Variants in CABLES1 observed in about 807,000 individuals in gnomAD.
CABLES1 encodes the protein CDK5 and ABL1 enzyme substrate 1.
Under a neutral mutation model 57.8 loss-of-function variants are expected in CABLES1, and 36 were observed. That is an observed-to-expected ratio of 0.62 (90% CI 0.48 to 0.82). The LOEUF (loss-of-function observed/expected upper bound fraction) is 0.82. Among genes scored for constraint, CABLES1 ranks in the 40% least tolerant of loss-of-function variants. The probability of loss-of-function intolerance (pLI) is 0.00; values close to 1 mark genes in which losing one functional copy is unlikely to be tolerated. For missense variants in CABLES1, 767 were observed against 836.6 expected (o/e 0.92, Z 1.03); for synonymous variants, 374 against 363.0 (o/e 1.03, Z -0.35).
chr18:23,213,865 G>A (rs550034162), intron 3 of CABLES1, 112 bp from the exon 4 acceptor site: 24 of 670,828 alleles, frequency 3.6e-5, no homozygotes, highest in African/African-American at 1.1e-4. Flanking sequence ...TGGTGGGAGC[G>A]TGCAAATACT....
intron 4 of CABLES1, among the ~76,000 whole-genome samples, chr18:23,231,344 A>C (rs2145077703): frequency 6.6e-6 from 1 of 152,364 alleles, no homozygotes; most frequent in East Asian, 1.9e-4. Flanking sequence ...TCAAGCACTT[A>C]GTTGCCACAC....
At chr18:23,244,968 G>A (rs1161318807) in intron 7 of CABLES1, among the ~76,000 whole-genome samples, 2 of 152,202 alleles carry the variant, frequency 1.3e-5, no homozygotes, top group Non-Finnish European at 2.9e-5. Flanking sequence ...GCCCTAGAGC[G>A]GAAGTACCTT....
chr18:23,138,321 A>G (rs1191634073), intron 1 of CABLES1, among the ~76,000 whole-genome samples: 2 of 152,142 alleles, frequency 1.3e-5, no homozygotes, highest in Non-Finnish European at 2.9e-5. Flanking sequence ...AATCCTATAA[A>G]TATGAATCTT....
Position 23,237,761 on chromosome 18 carries a change from T to G in CABLES1, c.1446+516T>G, listed in dbSNP as rs185228827. Among the ~76,000 whole-genome samples the G allele has an allele frequency of 1.5e-4, 23 of 152,350 alleles. No individual in the cohort carries two copies. The East Asian group carries it at 4.4e-3, about 29-fold the overall frequency. ...GTTTTTATTTCATGGACTCTTCCTGTTTTTCCCTGTGTGTAATTTTGGTTT... is the reference window on the plus strand; with the variant it reads ...GTTTTTATTTCATGGACTCTTCCTGGTTTTCCCTGTGTGTAATTTTGGTTT... On this transcript the variant is annotated intron_variant, in intron 7 of 9. Transcript: ENST00000256925.
intron 1 of CABLES1, among the ~76,000 whole-genome samples, chr18:23,168,768 C>T (rs191194516): frequency 1.3e-5 from 2 of 152,318 alleles, no homozygotes; most frequent in Admixed American, 1.3e-4. Flanking sequence ...CTCCTCGCTC[C>T]ATGTCCCTGC....
intron 1 of CABLES1, among the ~76,000 whole-genome samples, chr18:23,166,203 A>AT (rs111877597): frequency 0.034 from 4,960 of 144,464 alleles, 221 homozygotes; most frequent in African/African-American, 0.1. Flanking sequence ...TATGAATGCA[A>AT]TTTTTTTTTT....
At chr18:23,140,497 C>G (rs190271791) in intron 1 of CABLES1, among the ~76,000 whole-genome samples, 2 of 149,712 alleles carry the variant, frequency 1.3e-5, no homozygotes, top group Non-Finnish European at 3.0e-5. Context: ...AGTGCAGTGG[C>G]GCCATCGCGG....
At chr18:23,175,573 G>A (rs2047117656) in intron 1 of CABLES1, among the ~76,000 whole-genome samples, 1 of 152,056 alleles carries the variant, frequency 6.6e-6, no homozygotes, top group African/African-American at 2.4e-5. Context: ...CTACCTCCTG[G>A]GATCAAGTGA....
At position 23,212,705 on chromosome 18, in the gene CABLES1, C is replaced by G. The variant is rs147101056; in HGVS notation, c.1011-1272C>G. On this transcript the variant is annotated intron_variant, in intron 3 of 9. Coordinates refer to ENST00000256925, the MANE Select transcript of CABLES1 (RefSeq NM_001100619.3). ...CTAGTAAAGGAGGGAGGCAAATGAT[C>G]AGCAGTGTGGATCACATCCGTGCCC... is the stretch of plus-strand genomic sequence containing the variant. 1.6e-3 allele frequency among the ~76,000 whole-genome samples: 247 copies of G among 152,270 alleles called. 1 individual carries two copies. The highest frequency in any genetic ancestry group is 2.4e-3 in the Admixed American group (37 of 15,304).
chr18:23,155,824 A>G, intron 1 of CABLES1: 1 of 1,607,500 alleles, frequency 6.2e-7, no homozygotes, highest in Admixed American at 1.7e-5. Flanking sequence ...CTTAGCCTCC[A>G]GGCCATTTTT....
At chr18:23,195,762 T>C (rs2047278001) in intron 3 of CABLES1, among the ~76,000 whole-genome samples, 1 of 152,236 alleles carries the variant, frequency 6.6e-6, no homozygotes, top group African/African-American at 2.4e-5. Context: ...TTTCTCTCTC[T>C]CACCCTTTTT....
chr18:23,158,526 T>C (rs1026110309), intron 1 of CABLES1, among the ~76,000 whole-genome samples: 3 of 152,218 alleles, frequency 2.0e-5, no homozygotes, highest in Admixed American at 2.0e-4. Flanking sequence ...CATTGCATCG[T>C]ACACAGCCAG....
At chr18:23,142,798 T>TA (rs1442952252) in intron 1 of CABLES1, among the ~76,000 whole-genome samples, 1 of 151,562 alleles carries the variant, frequency 6.6e-6, no homozygotes, top group African/African-American at 2.4e-5. Flanking sequence ...TTGTTTGAAC[T>TA]CCCCCCACCT....
chr18:23,185,882 G>T (rs2047199022), intron 1 of CABLES1, among the ~76,000 whole-genome samples: 2 of 152,110 alleles, frequency 1.3e-5, no homozygotes, highest in Non-Finnish European at 1.5e-5. Context: ...TTTTACTTTG[G>T]ATTTAAAAGC....
At chr18:23,231,883 G>C (rs2145078331) in intron 4 of CABLES1, among the ~76,000 whole-genome samples, 1 of 152,234 alleles carries the variant, frequency 6.6e-6, no homozygotes, top group East Asian at 1.9e-4. Flanking sequence ...GTGCACATTT[G>C]GCGGCAGGCA....
rs899219981 is a variant in CABLES1 at position 23,135,764 on chromosome 18, T to TGGCGGC, written c.15_20dup (p.Ala7_Ala8dup). On this transcript the variant is annotated inframe_insertion, in exon 1 of 10. Coordinates refer to ENST00000256925, the MANE Select transcript of CABLES1 (RefSeq NM_001100619.3). ...GAAATCCCGCCGCAGACGGACACAA[T>TGGCGGC]GGCGGCGGCGGCGGCGGCCGCCACC... is the stretch of plus-strand genomic sequence containing the variant. 4.9e-4 allele frequency: 486 copies of TGGCGGC among 983,670 alleles called. 1 individual carries two copies. Among genetic ancestry groups the TGGCGGC allele is most frequent in the Admixed American group, 8.2e-4 (13 of 15,950 alleles). The allele number at this position is 983,670 out of a possible 1,614,324, so 60.9% of individuals were successfully genotyped here.
intron 1 of CABLES1, among the ~76,000 whole-genome samples, chr18:23,159,488 T>C (rs549483538): frequency 1.3e-5 from 2 of 152,370 alleles, no homozygotes; most frequent in Admixed American, 1.3e-4. Flanking sequence ...GCACCTTTCC[T>C]ATAAACAAGT....
At chr18:23,137,143 A>T (rs1031604210) in intron 1 of CABLES1, among the ~76,000 whole-genome samples, 1 of 152,200 alleles carries the variant, frequency 6.6e-6, no homozygotes. Flanking sequence ...TTTCCTGAGC[A>T]ATGGAAAGTC....
intron 4 of CABLES1, among the ~76,000 whole-genome samples, chr18:23,219,572 A>G (rs1162530642): frequency 6.6e-6 from 1 of 152,148 alleles, no homozygotes; most frequent in East Asian, 1.9e-4. Context: ...CTGGAGTCCC[A>G]TTTCCCAGCC....
Sources: gnomAD v4.1 joint callset for allele counts (sites outside exome capture counted in the v4.1 genomes callset) on GRCh38, gnomAD v4.1.1 for gene constraint, MANE v1.5 for transcripts, NCBI Gene and HGNC (gene_info 2026-07-23, HGNC 2026-07-21) for gene names.